Variants in ADGRB3 observed in about 807,000 individuals in gnomAD.
The protein encoded by ADGRB3 is brain-specific angiogenesis inhibitor 3.
A neutral mutation model predicts 193.4 loss-of-function variants in ADGRB3; 37 were observed. That is an observed-to-expected ratio of 0.19 (90% CI 0.15 to 0.25). ADGRB3 has a LOEUF of 0.25. Ranked by LOEUF, ADGRB3 falls within the 10% of genes least tolerant of loss-of-function variation. The pLI is 1.00. For synonymous variants in ADGRB3, 690 were observed against 644.2 expected, an observed-to-expected ratio of 1.07 and a Z score of -1.08; for missense variants, 1,637 against 1,852.9, an observed-to-expected ratio of 0.88 and a Z score of 2.14.
chr6:69,139,429 T>C (rs965893441), intron 17 of ADGRB3, among the ~76,000 whole-genome samples: 1 of 152,210 alleles, frequency 6.6e-6, no homozygotes, highest in Non-Finnish European at 1.5e-5. Context: ...TTATTGTGGG[T>C]GTATAGTCAT....
At chr6:69,206,566 A>G (rs1193820109) in intron 17 of ADGRB3, among the ~76,000 whole-genome samples, 2 of 152,186 alleles carry the variant, frequency 1.3e-5, no homozygotes, top group African/African-American at 4.8e-5. Flanking sequence ...ACATAATACA[A>G]CTATCCTTCG....
chr6:68,789,650 T>G (rs528120557), intron 3 of ADGRB3, among the ~76,000 whole-genome samples: 9 of 152,046 alleles, frequency 5.9e-5, no homozygotes, highest in African/African-American at 7.2e-5. Flanking sequence ...CTCTTCTCGA[T>G]GAGTATCTTT....
chr6:69,280,545 A>G (rs1321979), intron 20 of ADGRB3, among the ~76,000 whole-genome samples: 15,888 of 152,214 alleles, frequency 0.1, 938 homozygotes, highest in Admixed American at 0.19. Flanking sequence ...TAATAGTAAT[A>G]AATAGATAAT....
At chr6:68,750,232 T>G (rs2127346695) in intron 3 of ADGRB3, among the ~76,000 whole-genome samples, 1 of 152,332 alleles carries the variant, frequency 6.6e-6, no homozygotes, top group South Asian at 2.1e-4. Context: ...AGCTTTTCAT[T>G]AAACACTTAG....
At chr6:69,145,574 G>A (rs1471710806) in intron 17 of ADGRB3, among the ~76,000 whole-genome samples, 1 of 152,174 alleles carries the variant, frequency 6.6e-6, no homozygotes, top group Non-Finnish European at 1.5e-5. Flanking sequence ...TTCAGCCCTG[G>A]CATTCAGTGG....
chr6:68,905,952 TA>T (rs140909901), intron 3 of ADGRB3, among the ~76,000 whole-genome samples: 2,346 of 150,928 alleles, frequency 0.016, 40 homozygotes, highest in African/African-American at 0.043. Flanking sequence ...CCAATTTTGT[TA>T]AAAAAAAAGT....
At chr6:69,063,069 A>T in intron 16 of ADGRB3, 33 bp downstream of exon 16, 2 of 1,482,048 alleles carry the variant, frequency 1.3e-6, no homozygotes, top group South Asian at 2.3e-5. Context: ...TGACTTGCTT[A>T]TGGAATTACC....
chr6:69,216,326 C>T (rs758141077), intron 17 of ADGRB3, among the ~76,000 whole-genome samples: 1 of 152,044 alleles, frequency 6.6e-6, no homozygotes, highest in East Asian at 1.9e-4. Flanking sequence ...GAAAATTTAC[C>T]TAAGACTGAT....
intron 17 of ADGRB3, among the ~76,000 whole-genome samples, chr6:69,077,449 TA>T (rs916679583): frequency 7.9e-5 from 12 of 152,082 alleles, no homozygotes; most frequent in East Asian, 1.9e-4. Context: ...TTATTATTAT[TA>T]TTTTTTTTTA....
At chr6:69,144,086 G>A (rs1774416393) in intron 17 of ADGRB3, among the ~76,000 whole-genome samples, 1 of 151,986 alleles carries the variant, frequency 6.6e-6, no homozygotes, top group Non-Finnish European at 1.5e-5. Flanking sequence ...TTTCATTATT[G>A]AAATTATTTG....
intron 17 of ADGRB3, among the ~76,000 whole-genome samples, chr6:69,099,349 A>T (rs1277287069): frequency 6.6e-6 from 1 of 152,226 alleles, no homozygotes; most frequent in Non-Finnish European, 1.5e-5. Context: ...GTTCTGATTG[A>T]GCCTAAATTT....
chr6:68,749,408 A>ATATATG (rs540892508), intron 3 of ADGRB3, among the ~76,000 whole-genome samples: 22 of 136,564 alleles, frequency 1.6e-4, no homozygotes, highest in African/African-American at 5.3e-4. Context: ...ATATATATAT[A>ATATATG]TGTGTGTGTG....
chr6:68,904,007 A>AG (rs374044826), intron 3 of ADGRB3, among the ~76,000 whole-genome samples: 1 of 141,242 alleles, frequency 7.1e-6, no homozygotes, highest in African/African-American at 2.6e-5. Flanking sequence ...AAAAAAAAAA[A>AG]GGGGAGAAGA....
chr6:69,029,815 T>G (rs935931993), intron 13 of ADGRB3, among the ~76,000 whole-genome samples: 36 of 151,966 alleles, frequency 2.4e-4, no homozygotes, highest in Non-Finnish European at 4.3e-4. Flanking sequence ...AGGCCAAGAA[T>G]TCTAGTTTCT....
At chr6:69,363,656 C>T (rs1769501860) in intron 29 of ADGRB3, among the ~76,000 whole-genome samples, 1 of 152,004 alleles carries the variant, frequency 6.6e-6, no homozygotes. Context: ...AAAGTTCTTT[C>T]TAATCCTTGA....
intron 3 of ADGRB3, among the ~76,000 whole-genome samples, chr6:68,663,590 T>C (rs1768724513): frequency 6.6e-6 from 1 of 151,820 alleles, no homozygotes; most frequent in South Asian, 2.1e-4. Flanking sequence ...TCAGGGTTAA[T>C]ATGAAAGAAA....
chr6:69,079,534 C>T (rs1772327907), intron 17 of ADGRB3, among the ~76,000 whole-genome samples: 1 of 152,056 alleles, frequency 6.6e-6, no homozygotes, highest in Admixed American at 6.6e-5. Context: ...GATGCCCTCT[C>T]TCACCACTCC....
chr6:68,884,819 C>T (rs570169713), intron 3 of ADGRB3, among the ~76,000 whole-genome samples: 2 of 152,218 alleles, frequency 1.3e-5, no homozygotes, highest in African/African-American at 2.4e-5. Flanking sequence ...AGGTCAGATT[C>T]TTGGGAGATA....
At position 68,899,896 on chromosome 6, in the gene ADGRB3, G is replaced by T. The variant is rs57021370; in HGVS notation, c.758-30663G>T. ...CTATTAAAATTTTTAAATACATAAA[G>T]AACTCTAATGAATTCATATTTTAAA... is the stretch of plus-strand genomic sequence containing the variant. On this transcript the variant is annotated intron_variant, in intron 3 of 31. Transcript: ENST00000370598. 1.9e-3 allele frequency among the ~76,000 whole-genome samples: 293 copies of T among 151,936 alleles called. 2 individuals are homozygous for T. The highest frequency in any genetic ancestry group is 6.6e-3 in the African/African-American group (272 of 41,456).
Sources: gnomAD v4.1 joint callset for allele counts (sites outside exome capture counted in the v4.1 genomes callset) on GRCh38, gnomAD v4.1.1 for gene constraint, MANE v1.5 for transcripts, NCBI Gene and HGNC (gene_info 2026-07-23, HGNC 2026-07-21) for gene names.